IQSEC1: variants seen among roughly 807,000 people sequenced by gnomAD.
IQSEC1 encodes the protein IQ motif and Sec7 domain ArfGEF 1, also known as IQ motif and SEC7 domain-containing protein 1.
A neutral mutation model predicts 91.0 loss-of-function variants in IQSEC1; 31 were observed. That is an observed-to-expected ratio of 0.34 (90% CI 0.26 to 0.46). The LOEUF is 0.46. Ranked by LOEUF, IQSEC1 falls within the 20% of genes least tolerant of loss-of-function variation. The pLI is 1.00. For missense variants in IQSEC1, 1,388 were observed against 1,575.6 expected (o/e 0.88, Z 2.02); for synonymous variants, 699 against 662.6 (o/e 1.05, Z -0.84).
chr3:13,071,901 C>T (rs1691316), intron 1 of IQSEC1, among the ~76,000 whole-genome samples: 34,246 of 152,070 alleles, frequency 0.23, 4,363 homozygotes, highest in Middle Eastern at 0.3. Flanking sequence ...CGTGGGTTGC[C>T]GCCTGGCACT....
chr3:13,087,936 C>T (rs1705765422), intron 2 of IQSEC1, among the ~76,000 whole-genome samples: 1 of 152,184 alleles, frequency 6.6e-6, no homozygotes, highest in African/African-American at 2.4e-5. Flanking sequence ...AACATGAACC[C>T]CTCCTGGCCC....
chr3:13,017,041 A>G (rs1206824590), intron 1 of IQSEC1, among the ~76,000 whole-genome samples: 2 of 152,196 alleles, frequency 1.3e-5, no homozygotes, highest in Admixed American at 1.3e-4. Flanking sequence ...CCTGTGCTGT[A>G]ACACGTGCCA....
chr3:12,975,887 G>A (rs371432049), intron 1 of IQSEC1, among the ~76,000 whole-genome samples: 9 of 152,296 alleles, frequency 5.9e-5, no homozygotes, highest in Admixed American at 4.6e-4. Flanking sequence ...AGACCTCTGC[G>A]GGAAGAAAGT....
chr3:13,208,255 T>C (rs994721230), intron 1 of IQSEC1, among the ~76,000 whole-genome samples: 10 of 151,176 alleles, frequency 6.6e-5, no homozygotes, highest in African/African-American at 2.4e-4. Flanking sequence ...TCCAAATACC[T>C]TCCCTAGAAC....
intron 1 of IQSEC1, among the ~76,000 whole-genome samples, chr3:13,177,570 T>G (rs357137): frequency 0.72 from 108,522 of 151,722 alleles, 38,918 homozygotes; most frequent in African/African-American, 0.75. Context: ...CACCCCCCAT[T>G]CCCCATCCCT....
At chr3:12,912,216 C>T (rs528325003) in intron 9 of IQSEC1, among the ~76,000 whole-genome samples, 3 of 152,342 alleles carry the variant, frequency 2.0e-5, no homozygotes, top group African/African-American at 7.2e-5. Flanking sequence ...CGGTCCTTGG[C>T]TGCTATTCTG....
chr3:13,076,620 A>T (rs1218599454), upstream of IQSEC1, among the ~76,000 whole-genome samples: 1 of 152,104 alleles, frequency 6.6e-6, no homozygotes, highest in African/African-American at 2.4e-5. Flanking sequence ...CAGGATCTTC[A>T]TCCAGGGCTG....
At chr3:13,237,706 T>G (rs1694956597) in intron 1 of IQSEC1, among the ~76,000 whole-genome samples, 1 of 152,178 alleles carries the variant, frequency 6.6e-6, no homozygotes, top group Admixed American at 6.5e-5. Context: ...AATCCTCAGC[T>G]CCGCGGTCGG....
At chr3:13,055,236 T>TG (rs1176816379) in intron 1 of IQSEC1, among the ~76,000 whole-genome samples, 1 of 152,176 alleles carries the variant, frequency 6.6e-6, no homozygotes, top group African/African-American at 2.4e-5. Flanking sequence ...TGGGGGCAGA[T>TG]GGGGGTCTCA....
At chr3:13,278,978 G>C (rs1431325002) in intron 1 of IQSEC1, among the ~76,000 whole-genome samples, 1 of 152,178 alleles carries the variant, frequency 6.6e-6, no homozygotes, top group African/African-American at 2.4e-5. Context: ...GGGAGCAGCA[G>C]CTGCACCTGC....
chr3:13,015,313 G>A (rs1703071473), intron 1 of IQSEC1, among the ~76,000 whole-genome samples: 1 of 152,194 alleles, frequency 6.6e-6, no homozygotes, highest in Admixed American at 6.5e-5. Flanking sequence ...ATGGGGCCTG[G>A]GGCTGGTCTA....
intron 2 of IQSEC1, among the ~76,000 whole-genome samples, chr3:13,120,619 T>C (rs535810618): frequency 1.3e-5 from 2 of 152,340 alleles, no homozygotes; most frequent in East Asian, 3.9e-4. Flanking sequence ...AAACTTACAA[T>C]GCAATCTGAG....
Position 13,214,406 on chromosome 3 carries a change from G to A in IQSEC1, c.273-50273C>T, listed in dbSNP as rs1444346655. Among the ~76,000 whole-genome samples the A allele has an allele frequency of 6.6e-6, 1 of 152,214 alleles. No homozygotes were observed. Among genetic ancestry groups the A allele is most frequent in the Non-Finnish European group, 1.5e-5 (1 of 68,042 alleles). Reference sequence around the variant, plus strand: ...GCCAGCACAGGCAGGCACACGGCAGGGCTGCAGCAAGCTCGAGCCAGAACT... The same window carrying A: ...GCCAGCACAGGCAGGCACACGGCAGAGCTGCAGCAAGCTCGAGCCAGAACT... On this transcript the variant is annotated intron_variant, in intron 1 of 15. Coordinates refer to the IQSEC1 transcript ENST00000648114. This position sits in a 1 kb window ranked among gnomAD's most constrained non-coding sequence, Gnocchi z 4.5.
intron 1 of IQSEC1, among the ~76,000 whole-genome samples, chr3:13,063,444 A>G (rs1031323315): frequency 2.0e-5 from 3 of 152,222 alleles, no homozygotes; most frequent in African/African-American, 4.8e-5. Context: ...GGAGGCACAG[A>G]CAAGCATGGT....
intron 2 of IQSEC1, among the ~76,000 whole-genome samples, chr3:13,112,358 C>A (rs896487278): frequency 2.6e-5 from 4 of 152,238 alleles, no homozygotes; most frequent in Non-Finnish European, 5.9e-5. Flanking sequence ...CCCGACCTCT[C>A]CCTCTGAAAA....
intron 1 of IQSEC1, among the ~76,000 whole-genome samples, chr3:13,039,207 A>T (rs952531277): frequency 6.6e-6 from 1 of 152,226 alleles, no homozygotes; most frequent in Non-Finnish European, 1.5e-5. Context: ...CTATAGAGGC[A>T]TCTCCCCACA....
At chr3:13,127,607 A>G (rs1387917319) in intron 2 of IQSEC1, among the ~76,000 whole-genome samples, 1 of 152,006 alleles carries the variant, frequency 6.6e-6, no homozygotes, top group African/African-American at 2.4e-5. Context: ...AAGCTATTCT[A>G]GGTCGTTTGC....
intron 1 of IQSEC1, among the ~76,000 whole-genome samples, chr3:13,254,126 C>T (rs1695246232): frequency 6.6e-6 from 1 of 152,274 alleles, no homozygotes; most frequent in Non-Finnish European, 1.5e-5. Context: ...GGCATCACAA[C>T]GCTGCCCTCT....
chr3:13,062,824 T>C (rs1482280229), intron 1 of IQSEC1, among the ~76,000 whole-genome samples: 1 of 152,120 alleles, frequency 6.6e-6, no homozygotes, highest in African/African-American at 2.4e-5. Context: ...CTTCCCTTAG[T>C]AACCATGCCA....
Sources: allele counts gnomAD v4.1 joint callset (sites outside exome capture counted in the v4.1 genomes callset), GRCh38; gene constraint gnomAD v4.1.1; non-coding constraint Gnocchi (gnomAD v3.1); transcripts MANE v1.5; gene names NCBI Gene and HGNC (gene_info 2026-07-23, HGNC 2026-07-21).